CHD9: variants seen among roughly 807,000 people sequenced by gnomAD.
CHD9 encodes chromodomain helicase DNA binding protein 9.
A neutral mutation model predicts 316.1 loss-of-function variants in CHD9; 77 were observed. That is an observed-to-expected ratio of 0.24 (90% CI 0.20 to 0.29). The LOEUF is 0.29. Ranked by LOEUF, CHD9 falls within the 10% of genes least tolerant of loss-of-function variation. The probability of loss-of-function intolerance (pLI) is 1.00; values close to 1 mark genes in which losing one functional copy is unlikely to be tolerated. For missense variants in CHD9, 2,763 were observed against 3,438.1 expected, an observed-to-expected ratio of 0.80 and a Z score of 4.91; for synonymous variants, 1,129 against 1,158.3, an observed-to-expected ratio of 0.97 and a Z score of 0.51.
At chr16:53,102,882 G>C (rs2037006334) in intron 1 of CHD9, among the ~76,000 whole-genome samples, 1 of 151,996 alleles carries the variant, frequency 6.6e-6, no homozygotes, top group East Asian at 1.9e-4. Context: ...GTCTTGCTCT[G>C]TCACTCAGGC....
intron 1 of CHD9, among the ~76,000 whole-genome samples, chr16:53,094,155 G>A (rs770421696): frequency 3.9e-5 from 6 of 152,244 alleles, no homozygotes; most frequent in Non-Finnish European, 7.3e-5. Flanking sequence ...CAGAGCAGGA[G>A]AGAAGGTGTC....
intron 1 of CHD9, among the ~76,000 whole-genome samples, chr16:53,055,339 G>A (rs1184197586): frequency 6.6e-6 from 1 of 152,206 alleles, no homozygotes; most frequent in African/African-American, 2.4e-5. Flanking sequence ...CAAGCCGGGC[G>A]TCCTCGAAGC....
At chr16:53,192,661 T>G (rs1292687954) in intron 2 of CHD9, among the ~76,000 whole-genome samples, 3 of 152,340 alleles carry the variant, frequency 2.0e-5, no homozygotes, top group Admixed American at 6.5e-5. Flanking sequence ...CCCCTAACCC[T>G]AGACCCTGGC....
At chr16:53,171,806 G>A (rs1277954149) in intron 2 of CHD9, among the ~76,000 whole-genome samples, 1 of 150,792 alleles carries the variant, frequency 6.6e-6, no homozygotes, top group Non-Finnish European at 1.5e-5. Flanking sequence ...GACAGAGGGA[G>A]ACCCTATCTC....
At chr16:53,215,070 G>A (rs1228900332) in intron 3 of CHD9, among the ~76,000 whole-genome samples, 5 of 151,968 alleles carry the variant, frequency 3.3e-5, no homozygotes, top group Non-Finnish European at 5.9e-5. Context: ...CCGCCACCAC[G>A]CCCGGCTAAT....
intron 2 of CHD9, among the ~76,000 whole-genome samples, chr16:53,183,756 A>T (rs908793756): frequency 6.6e-6 from 1 of 151,908 alleles, no homozygotes; most frequent in Non-Finnish European, 1.5e-5. Context: ...TGTACAAAAA[A>T]TACAATACAA....
intron 1 of CHD9, among the ~76,000 whole-genome samples, chr16:53,111,097 G>C (rs2037829811): frequency 6.6e-6 from 1 of 152,136 alleles, no homozygotes; most frequent in Non-Finnish European, 1.5e-5. Flanking sequence ...GCTGAAGTGA[G>C]ACTCATAGGC....
At chr16:53,178,945 G>A (rs1041801012) in intron 2 of CHD9, among the ~76,000 whole-genome samples, 4 of 152,066 alleles carry the variant, frequency 2.6e-5, no homozygotes, top group Admixed American at 6.6e-5. Flanking sequence ...CTAGGACTTT[G>A]AGGCTGTAGT....
chr16:53,296,574 G>A (rs935092829), intron 29 of CHD9, among the ~76,000 whole-genome samples: 1 of 151,118 alleles, frequency 6.6e-6, no homozygotes, highest in Admixed American at 6.6e-5. Context: ...CTGAGCAGCT[G>A]GGACTACAGG....
At chr16:53,238,079 G>T (rs1041837611) in intron 11 of CHD9, among the ~76,000 whole-genome samples, 1 of 152,038 alleles carries the variant, frequency 6.6e-6, no homozygotes, top group Non-Finnish European at 1.5e-5. Flanking sequence ...ATAATATATT[G>T]AGTTGGCCTT....
intron 34 of CHD9, among the ~76,000 whole-genome samples, chr16:53,309,361 A>G (rs747378156): frequency 1.9e-4 from 29 of 152,202 alleles, no homozygotes; most frequent in African/African-American, 6.0e-4. Flanking sequence ...TCCTCTATTT[A>G]GAAGTAAATT....
At chr16:53,219,247 C>T (rs1353908396) in intron 3 of CHD9, among the ~76,000 whole-genome samples, 3 of 151,984 alleles carry the variant, frequency 2.0e-5, no homozygotes, top group East Asian at 1.9e-4. Flanking sequence ...GGTTGTGATA[C>T]CTATGAGATA....
At chr16:53,276,712 T>C (rs1333205598) in intron 24 of CHD9, among the ~76,000 whole-genome samples, 3 of 152,156 alleles carry the variant, frequency 2.0e-5, no homozygotes, top group Non-Finnish European at 4.4e-5. Flanking sequence ...TCTCTCTCTT[T>C]ACTACATCAT....
chr16:53,160,803 AAGCTGAGGCAGG>A (rs1458272497), intron 2 of CHD9, among the ~76,000 whole-genome samples: 2 of 152,232 alleles, frequency 1.3e-5, no homozygotes, highest in African/African-American at 4.8e-5. Context: ...GCTACTTGGG[AAGCTGAGGCAGG>A]AGAATCGCTT....
intron 1 of CHD9, among the ~76,000 whole-genome samples, chr16:53,152,147 A>C (rs1053849514): frequency 1.3e-5 from 2 of 152,150 alleles, no homozygotes; most frequent in African/African-American, 4.8e-5. Flanking sequence ...GGAGTCATTC[A>C]TTTAGACACT....
At chr16:53,214,159 T>G (rs775636338) in intron 3 of CHD9, among the ~76,000 whole-genome samples, 4 of 152,172 alleles carry the variant, frequency 2.6e-5, no homozygotes, top group Non-Finnish European at 5.9e-5. Context: ...ATCATATATA[T>G]GTACATACAT....
At chr16:53,212,475 G>C (rs1471693850) in intron 3 of CHD9, among the ~76,000 whole-genome samples, 1 of 152,086 alleles carries the variant, frequency 6.6e-6, no homozygotes, top group Non-Finnish European at 1.5e-5. Context: ...ATGTCATCAG[G>C]GTTGGTGTTT....
At chr16:53,224,288 A>G (rs536564117) in intron 4 of CHD9, among the ~76,000 whole-genome samples, 1 of 152,310 alleles carries the variant, frequency 6.6e-6, no homozygotes, top group South Asian at 2.1e-4. Context: ...CATAAGATTC[A>G]TTTTTATGTT....
At chr16:53,162,532 T>C (rs2041984395) in intron 2 of CHD9, among the ~76,000 whole-genome samples, 1 of 152,194 alleles carries the variant, frequency 6.6e-6, no homozygotes, top group Non-Finnish European at 1.5e-5. Flanking sequence ...GTTTGTAAAT[T>C]AAGTTTAGTG....
Sources: allele counts gnomAD v4.1 joint callset (sites outside exome capture counted in the v4.1 genomes callset), GRCh38; gene constraint gnomAD v4.1.1; transcripts MANE v1.5; gene names NCBI Gene and HGNC (gene_info 2026-07-23, HGNC 2026-07-21).